Variants in VPS13B observed in about 807,000 individuals in gnomAD.
The protein encoded by VPS13B is vacuolar protein sorting 13 homolog B.
In VPS13B, 285 loss-of-function variants were observed where a neutral mutation model predicts 426.4. That is an observed-to-expected ratio of 0.67 (90% CI 0.61 to 0.74). The LOEUF (loss-of-function observed/expected upper bound fraction) is 0.74. Ranked by LOEUF, VPS13B falls within the 30% of genes least tolerant of loss-of-function variation. VPS13B has a pLI of 0.00. For synonymous variants in VPS13B, 1,676 were observed against 1,676.4 expected, an observed-to-expected ratio of 1.00 and a Z score of 0.01; for missense variants, 4,537 against 4,782.6, an observed-to-expected ratio of 0.95 and a Z score of 1.51.
At chr8:99,683,145 A>G (rs149857978) in intron 35 of VPS13B, among the ~76,000 whole-genome samples, 245 of 152,260 alleles carry the variant, frequency 1.6e-3, no homozygotes, top group African/African-American at 4.8e-3. Context: ...CTTTGCACCT[A>G]TTTTAAAAAT....
At chr8:99,447,220 T>A (rs555308286) in intron 23 of VPS13B, among the ~76,000 whole-genome samples, 1 of 152,326 alleles carries the variant, frequency 6.6e-6, no homozygotes, top group East Asian at 1.9e-4. Context: ...TTGGTGGCAC[T>A]ATGAGTTCAG....
At chr8:99,241,851 T>A (rs1277944924) in intron 17 of VPS13B, among the ~76,000 whole-genome samples, 2 of 152,236 alleles carry the variant, frequency 1.3e-5, no homozygotes, top group Admixed American at 1.3e-4. Flanking sequence ...ATACTTTATG[T>A]CTGTTACTTA....
chr8:99,198,742 A>G lies in VPS13B; in HGVS notation c.2515+5685A>G, dbSNP rs182939594. 9.2e-5 allele frequency among the ~76,000 whole-genome samples: 14 copies of G among 152,284 alleles called. 1 individual carries two copies. The East Asian group carries it at 2.3e-3, about 25-fold the overall frequency. On this transcript the variant is annotated intron_variant, in intron 17 of 61. Coordinates refer to ENST00000357162, the MANE Select transcript of VPS13B (RefSeq NM_152564.5). ...TTTGCCAAATAATTTTATTTTTATCAAATGGAATGCCTATAAAATTTATAA... is the reference window on the plus strand; with the variant it reads ...TTTGCCAAATAATTTTATTTTTATCGAATGGAATGCCTATAAAATTTATAA...
At chr8:99,699,471 C>G in intron 35 of VPS13B, 54 bp from the exon 36 acceptor site, 1 of 1,587,146 alleles carries the variant, frequency 6.3e-7, no homozygotes, top group South Asian at 1.1e-5. Flanking sequence ...GAAGTAAAGG[C>G]TTGTATTCAG....
chr8:99,650,708 G>C (rs1382145436), intron 34 of VPS13B, among the ~76,000 whole-genome samples: 3 of 152,092 alleles, frequency 2.0e-5, no homozygotes, highest in Non-Finnish European at 4.4e-5. Context: ...TGTGAATGTG[G>C]TCTCTCTTTC....
intron 25 of VPS13B, among the ~76,000 whole-genome samples, chr8:99,499,310 G>A (rs1821101899): frequency 1.3e-5 from 2 of 152,110 alleles, no homozygotes; most frequent in South Asian, 4.1e-4. Flanking sequence ...GCATGAGGAA[G>A]TACAGCAAAG....
chr8:99,035,897 G>A (rs941998139), intron 2 of VPS13B, among the ~76,000 whole-genome samples: 3 of 152,032 alleles, frequency 2.0e-5, no homozygotes, highest in Non-Finnish European at 4.4e-5. Context: ...TTTCCCTAAT[G>A]AGTAGTTATG....
chr8:99,522,811 A>G (rs946509674), intron 30 of VPS13B, among the ~76,000 whole-genome samples: 1 of 152,244 alleles, frequency 6.6e-6, no homozygotes, highest in Non-Finnish European at 1.5e-5. Flanking sequence ...AAAGGTATTC[A>G]TATAAGAGTT....
rs887541393 is a variant in VPS13B, at chr8:99,239,302, TTAAG to T, written c.2516-34894_2516-34891del. Among the ~76,000 whole-genome samples, 27 of 152,316 alleles carry T rather than the reference TTAAG, an allele frequency of 1.8e-4. 1 individual carries two copies. The highest frequency in any genetic ancestry group is 6.5e-4 in the African/African-American group (27 of 41,572). On this transcript the variant is annotated intron_variant, in intron 17 of 61. Coordinates refer to ENST00000357162, the MANE Select transcript of VPS13B (RefSeq NM_152564.5). Reference sequence around the variant, plus strand: ...TTAGAGTAATCTTAAGTACATTGAATTAAGTGTTACTTATTGAATGCATGACATT... The same window carrying T: ...TTAGAGTAATCTTAAGTACATTGAATTGTTACTTATTGAATGCATGACATT...
chr8:99,611,574 A>C (rs895898477), intron 33 of VPS13B, among the ~76,000 whole-genome samples: 12 of 151,936 alleles, frequency 7.9e-5, no homozygotes, highest in African/African-American at 1.9e-4. Flanking sequence ...ACAAAAAAAA[A>C]CTCAAAGCTT....
intron 15 of VPS13B, among the ~76,000 whole-genome samples, chr8:99,159,261 G>A (rs145348930): frequency 6.6e-6 from 1 of 152,180 alleles, no homozygotes; most frequent in Non-Finnish European, 1.5e-5. Flanking sequence ...GATGAGCAAA[G>A]AAAGTGATTT....
At chr8:99,280,614 G>A (rs536208053) in intron 19 of VPS13B, among the ~76,000 whole-genome samples, 6 of 152,158 alleles carry the variant, frequency 3.9e-5, no homozygotes, top group East Asian at 1.9e-4. Context: ...CATGTTAGCC[G>A]CCTTTTCTTT....
intron 34 of VPS13B, among the ~76,000 whole-genome samples, chr8:99,659,456 T>G (rs1362258820): frequency 6.6e-6 from 1 of 152,182 alleles, no homozygotes; most frequent in Non-Finnish European, 1.5e-5. Flanking sequence ...TTTTGTGTGG[T>G]CATATATGTC....
In VPS13B at chr8:99,717,283, G is replaced by A. The variant is rs1394929122; in HGVS notation, c.6567G>A (p.Leu2189=). 3 of 1,613,822 alleles carry A rather than the reference G, an allele frequency of 1.9e-6. No individual in the cohort carries two copies. The African/African-American group carries it at 4.0e-5, about 22-fold the overall frequency. The change falls in exon 37 of 62, where the codon CTG becomes CTA. Residue 2189 remains leucine (L), a synonymous_variant. Coordinates refer to ENST00000357162, the MANE Select transcript of VPS13B (RefSeq NM_152564.5). The stretch of plus-strand genomic sequence containing the variant: ...GACCATGTTGTGCTACTGCCAATCT[G>A]GAAGCTAAGTGGTGTAAACACAGCG... The part of the protein sequence containing the change: ...LIGPCCATAN[L]EAKWCKHSGN...
chr8:99,802,541 A>T (rs1326873120), intron 43 of VPS13B, among the ~76,000 whole-genome samples: 1 of 152,214 alleles, frequency 6.6e-6, no homozygotes, highest in Non-Finnish European at 1.5e-5. Flanking sequence ...AAGCACACAA[A>T]ACACACATGG....
intron 21 of VPS13B, among the ~76,000 whole-genome samples, chr8:99,400,659 T>A (rs1814982805): frequency 6.6e-6 from 1 of 152,036 alleles, no homozygotes; most frequent in Non-Finnish European, 1.5e-5. Context: ...TATTGCATGG[T>A]ATTACTTTTT....
intron 5 of VPS13B, among the ~76,000 whole-genome samples, chr8:99,108,544 TCA>T: frequency 6.6e-6 from 1 of 152,290 alleles, no homozygotes; most frequent in Non-Finnish European, 1.5e-5. Context: ...GTTCTTTTCC[TCA>T]GTGTGTTTTC....
At chr8:99,040,685 G>A (rs992920523) in intron 3 of VPS13B, among the ~76,000 whole-genome samples, 2 of 152,018 alleles carry the variant, frequency 1.3e-5, no homozygotes, top group Admixed American at 6.6e-5. Flanking sequence ...GAATCACCAC[G>A]AAGAAAAGAC....
At chr8:99,406,874 C>T (rs893690071) in intron 21 of VPS13B, among the ~76,000 whole-genome samples, 3 of 152,056 alleles carry the variant, frequency 2.0e-5, no homozygotes, top group Non-Finnish European at 4.4e-5. Context: ...TTGAGAAGAC[C>T]TTAGGATAGG....
Sources: gnomAD v4.1 joint callset for allele counts (sites outside exome capture counted in the v4.1 genomes callset) on GRCh38, gnomAD v4.1.1 for gene constraint, MANE v1.5 for transcripts, NCBI Gene and HGNC (gene_info 2026-07-23, HGNC 2026-07-21) for gene names.